Variants in GNG12 observed in about 807,000 individuals in gnomAD.
The protein encoded by GNG12 is guanine nucleotide-binding protein G(I)/G(S)/G(O) subunit gamma-12.
For missense variants in GNG12, 69 were observed against 83.8 expected (o/e 0.82, Z 0.69); for synonymous variants, 28 against 29.7 (o/e 0.94, Z 0.19).
chr1:67,716,999 G>C (rs1646329132), intron 2 of GNG12, among the ~76,000 whole-genome samples: 1 of 152,108 alleles, frequency 6.6e-6, no homozygotes, highest in Non-Finnish European at 1.5e-5. Context: ...CCTGGGCAGC[G>C]AGTTCCTCAC....
intron 2 of GNG12, among the ~76,000 whole-genome samples, chr1:67,758,807 AAGTT>A (rs1287619131): frequency 6.6e-6 from 1 of 152,120 alleles, no homozygotes; most frequent in African/African-American, 2.4e-5. Context: ...TACCAACAAA[AAGTT>A]AGGAGTGATG....
At chr1:67,769,385 A>T (rs1269192800) in intron 2 of GNG12, among the ~76,000 whole-genome samples, 1 of 152,160 alleles carries the variant, frequency 6.6e-6, no homozygotes, top group Non-Finnish European at 1.5e-5. Flanking sequence ...GCTGACTCCA[A>T]ATGTCACATG....
intron 1 of GNG12, among the ~76,000 whole-genome samples, chr1:67,811,228 G>A (rs948718879): frequency 1.3e-5 from 2 of 152,116 alleles, no homozygotes; most frequent in Admixed American, 6.5e-5. Flanking sequence ...AAGCTGATCC[G>A]TGGAACACAT....
intron 2 of GNG12, among the ~76,000 whole-genome samples, chr1:67,768,867 G>C (rs11209148): frequency 0.017 from 2,600 of 152,258 alleles, 62 homozygotes; most frequent in African/African-American, 0.049. Context: ...ATCTTTGAAT[G>C]GCCAGTGCAA....
chr1:67,719,779 T>C (rs1646346720), intron 2 of GNG12, among the ~76,000 whole-genome samples: 1 of 152,224 alleles, frequency 6.6e-6, no homozygotes, highest in East Asian at 1.9e-4. Flanking sequence ...CCCAAGATCA[T>C]ACAGCTATTA....
intron 2 of GNG12, among the ~76,000 whole-genome samples, chr1:67,742,904 A>C (rs1646490473): frequency 6.6e-6 from 1 of 152,118 alleles, no homozygotes; most frequent in Admixed American, 6.6e-5. Flanking sequence ...GATAAGTTAA[A>C]AAGTGAGTTG....
chr1:67,818,854 G>A (rs1461983355), intron 1 of GNG12, among the ~76,000 whole-genome samples: 1 of 152,168 alleles, frequency 6.6e-6, no homozygotes, highest in African/African-American at 2.4e-5. Flanking sequence ...TTTCAGAGAT[G>A]AGTAAACTGA....
intron 1 of GNG12, among the ~76,000 whole-genome samples, chr1:67,782,689 T>G (rs1368567472): frequency 6.6e-6 from 1 of 152,204 alleles, no homozygotes; most frequent in East Asian, 1.9e-4. Flanking sequence ...CATAGATTCC[T>G]ATTTCATCAC....
At chr1:67,762,663 T>C (rs1315782280) in intron 2 of GNG12, among the ~76,000 whole-genome samples, 1 of 152,208 alleles carries the variant, frequency 6.6e-6, no homozygotes, top group Admixed American at 6.5e-5. Context: ...TTTTGAGCAT[T>C]AGCGTTTATC....
chr1:67,792,210 G>A (rs1463283652), intron 1 of GNG12, among the ~76,000 whole-genome samples: 1 of 145,294 alleles, frequency 6.9e-6, no homozygotes, highest in Non-Finnish European at 1.5e-5. Flanking sequence ...GAATGTCAAT[G>A]CCGTAAGAAA....
intron 2 of GNG12, among the ~76,000 whole-genome samples, chr1:67,716,692 G>A (rs1420988140): frequency 3.3e-5 from 5 of 152,214 alleles, no homozygotes; most frequent in Non-Finnish European, 5.9e-5. Flanking sequence ...GAGAGGCCAA[G>A]TATCAGCCAG....
intron 2 of GNG12, among the ~76,000 whole-genome samples, chr1:67,750,520 C>T (rs1189153873): frequency 6.6e-6 from 1 of 152,162 alleles, no homozygotes; most frequent in Admixed American, 6.5e-5. Flanking sequence ...CTCATCACAG[C>T]GTAATTCACC....
chr1:67,787,073 A>ATATGT (rs1646775253), intron 1 of GNG12, among the ~76,000 whole-genome samples: 1 of 81,766 alleles, frequency 1.2e-5, no homozygotes, highest in African/African-American at 4.0e-5. Flanking sequence ...GTGTGTGTAT[A>ATATGT]GTCCCCCTCC....
intron 1 of GNG12, among the ~76,000 whole-genome samples, chr1:67,816,269 T>C (rs1366019244): frequency 1.3e-5 from 2 of 152,166 alleles, no homozygotes. Flanking sequence ...TAATGAAGAT[T>C]ACAGCCGACC....
intron 1 of GNG12, among the ~76,000 whole-genome samples, chr1:67,782,123 A>T (rs1646740846): frequency 6.6e-6 from 1 of 152,194 alleles, no homozygotes. Flanking sequence ...AAACAGATGT[A>T]AAAGGGCTTT....
intron 2 of GNG12, among the ~76,000 whole-genome samples, chr1:67,735,027 A>AT (rs978329587): frequency 8.0e-5 from 12 of 150,630 alleles, no homozygotes; most frequent in Admixed American, 6.6e-5. Context: ...CTAATTTTGT[A>AT]TTTTTTTTAG....
chr1:67,710,232 T>TTA (rs539071081), intron 2 of GNG12, among the ~76,000 whole-genome samples: 7 of 101,398 alleles, frequency 6.9e-5, no homozygotes, highest in African/African-American at 3.0e-4. Flanking sequence ...ATATATATAG[T>TTA]TATATATATA....
chr1:67,752,692 T>C (rs1646545873), intron 2 of GNG12, among the ~76,000 whole-genome samples: 1 of 152,260 alleles, frequency 6.6e-6, no homozygotes, highest in African/African-American at 2.4e-5. Context: ...ACTATTTTTG[T>C]TCTAATTGAT....
chr1:67,725,926 A>C (rs1208008097), intron 2 of GNG12, among the ~76,000 whole-genome samples: 2 of 152,232 alleles, frequency 1.3e-5, no homozygotes, highest in Non-Finnish European at 2.9e-5. Context: ...ATGACGGAGC[A>C]TCACTTACAA....
Sources: gnomAD v4.1 joint callset for allele counts (sites outside exome capture counted in the v4.1 genomes callset) on GRCh38, gnomAD v4.1.1 for gene constraint, MANE v1.5 for transcripts, NCBI Gene and HGNC (gene_info 2026-07-23, HGNC 2026-07-21) for gene names.